TAF5L: variants seen among roughly 807,000 people sequenced by gnomAD.
TAF5L encodes TAF5-like RNA polymerase II p300/CBP-associated factor-associated factor 65 kDa subunit 5L.
In TAF5L, 7 loss-of-function variants were observed where a neutral mutation model predicts 51.3. The observed-to-expected ratio is 0.14, with a 90% CI of 0.08 to 0.26. The LOEUF (loss-of-function observed/expected upper bound fraction) is 0.26, where lower values mean the gene tolerates loss of function less well. Among genes scored for constraint, TAF5L ranks in the 10% least tolerant of loss-of-function variants. The probability of loss-of-function intolerance (pLI) is 1.00; values close to 1 mark genes in which losing one functional copy is unlikely to be tolerated. For synonymous variants in TAF5L, 291 were observed against 308.1 expected, an observed-to-expected ratio of 0.94 and a Z score of 0.58; for missense variants, 575 against 758.9, an observed-to-expected ratio of 0.76 and a Z score of 2.85.
At chr1:229,595,446 T>C (rs1371749676) in intron 4 of TAF5L, among the ~76,000 whole-genome samples, 3 of 152,236 alleles carry the variant, frequency 2.0e-5, no homozygotes, top group African/African-American at 7.2e-5. Context: ...TGTGTGCCAT[T>C]TGAAAATATT....
intron 1 of TAF5L, among the ~76,000 whole-genome samples, chr1:229,618,777 G>A (rs1665098106): frequency 6.6e-6 from 1 of 151,858 alleles, no homozygotes; most frequent in South Asian, 2.1e-4. Flanking sequence ...AGGCTCTAAT[G>A]TACACGGTCG....
intron 3 of TAF5L, chr1:229,606,146 G>A: frequency 2.0e-6 from 2 of 985,356 alleles, no homozygotes; most frequent in Non-Finnish European, 2.4e-6. Context: ...TCAGCTCATA[G>A]GTTCAAAATT....
rs545075714 is a variant in TAF5L, at chr1:229,606,567, T to C, written c.247+3539A>G. On this transcript the variant is annotated intron_variant, in intron 3 of 4. Transcript: ENST00000258281. ...TACCTTTCTTCAAGGTTTGGCTCTA[T>C]TGACTAGCACTCCTCTGTCCTTTAT... is the stretch of plus-strand genomic sequence containing the variant. 14 of 985,440 alleles carry C rather than the reference T, an allele frequency of 1.4e-5. No individual in the cohort carries two copies. In the East Asian group the frequency reaches 5.7e-4, roughly 40 times the overall value. 61.0% of individuals were successfully genotyped at this position (985,440 alleles called of 1,614,324 possible).
intron 2 of TAF5L, among the ~76,000 whole-genome samples, chr1:229,611,235 A>G (rs1394587107): frequency 6.6e-6 from 1 of 152,184 alleles, no homozygotes; most frequent in Non-Finnish European, 1.5e-5. Context: ...AATATTCAGT[A>G]TGTAAACACA....
At chr1:229,614,424 C>T in exon 2 of TAF5L, 1 of 1,614,200 alleles carries the variant, frequency 6.2e-7, no homozygotes, top group Non-Finnish European at 8.5e-7. Context: ...CACGTACTGC[C>T]GGCGTTTGAG....
intron 3 of TAF5L, chr1:229,606,506 TAAACA>T: frequency 1.0e-6 from 1 of 985,342 alleles, no homozygotes; most frequent in Non-Finnish European, 1.2e-6. Flanking sequence ...GATACTAAAT[TAAACA>T]AAACTAATCC....
At chr1:229,609,990 AT>A (rs1664730250) in intron 3 of TAF5L, 115 bp downstream of exon 3, 7 of 786,280 alleles carry the variant, frequency 8.9e-6, no homozygotes, top group Non-Finnish European at 1.4e-5. Context: ...CTATTTTTTA[AT>A]TTTTCTTTTT....
intron 4 of TAF5L, chr1:229,601,391 T>G: frequency 7.1e-6 from 7 of 985,440 alleles, no homozygotes; most frequent in Non-Finnish European, 8.4e-6. Flanking sequence ...CAAAAATACT[T>G]TGGCCCACAG....
chr1:229,625,047 T>G lies in TAF5L; in HGVS notation c.-4+838A>C, dbSNP rs1665384084. Among the ~76,000 whole-genome samples the G allele has an allele frequency of 6.6e-6, 1 of 152,218 alleles. No homozygotes were observed. On this transcript the variant is annotated intron_variant, in intron 1 of 4. Coordinates refer to ENST00000258281, the Ensembl canonical transcript of TAF5L. This position sits in a 1 kb window ranked among gnomAD's most constrained non-coding sequence, Gnocchi z 4.0. ...ATTTAAGACAGACACTGCATGGGAC[T>G]GGCACTTACCTTCTGATCCCAGAAC...
chr1:229,600,530 C>T (rs377604154), intron 4 of TAF5L: 1 of 985,472 alleles, frequency 1.0e-6, no homozygotes, highest in African/African-American at 1.7e-5. Context: ...AATTGAATAA[C>T]CGAGCTCTTC....
chr1:229,615,213 A>G (rs1276564715), intron 1 of TAF5L, among the ~76,000 whole-genome samples: 1 of 151,900 alleles, frequency 6.6e-6, no homozygotes, highest in Non-Finnish European at 1.5e-5. Flanking sequence ...TCAGCCTCCC[A>G]AGTAGCTGGG....
At chr1:229,593,989 T>G (rs1664017151) in exon 5 of TAF5L, 2 of 276,144 alleles carry the variant, frequency 7.2e-6, no homozygotes, top group African/African-American at 2.2e-5. Context: ...AGTCAGATGG[T>G]GAAAATGAGA....
At position 229,602,821 on chromosome 1, in the gene TAF5L, C is replaced by T; in HGVS notation, c.346G>A (p.Val116Met). 3 of 1,613,542 alleles carry T rather than the reference C, an allele frequency of 1.9e-6. No individual in the cohort carries two copies. Among genetic ancestry groups the T allele is most frequent in the Non-Finnish European group, 2.5e-6 (3 of 1,180,046 alleles). The change falls in exon 4 of 5, where the codon GTG becomes ATG. Residue 116 changes from valine (V) to methionine (M), a missense_variant. Around this residue, in one of 3 missense-constraint regions of TAF5L, gnomAD observed 380 missense variants for 443.7 expected, o/e 0.86. Transcript: ENST00000258281. This position sits in a 1 kb window ranked among gnomAD's most constrained non-coding sequence, Gnocchi z 4.6. ...TGGAAGCGGCTGTAAAAACTTTCCA[C>T]TGTGCTCTTCGGACTGTTTTGGACC...
rs758856244 is a variant in TAF5L, at chr1:229,594,339, A to G, written c.1728T>C (p.Leu576=). 3.7e-6 allele frequency: 6 copies of G among 1,611,122 alleles called. No homozygotes were observed. The highest frequency in any genetic ancestry group is 1.3e-5 in the African/African-American group (1 of 74,856). ...CTTGTGTAATTCCAGTCACCAGAAGAAGGTTACAGGCCATGAACTGCACGC... is the reference window on the plus strand; with the variant it reads ...CTTGTGTAATTCCAGTCACCAGAAGGAGGTTACAGGCCATGAACTGCACGC... The change falls in exon 5 of 5, where the codon CTT becomes CTC. Residue 576 remains leucine (L), a synonymous_variant. Transcript: ENST00000258281. This position sits in a 1 kb window ranked among gnomAD's most constrained non-coding sequence, Gnocchi z 7.9.
chr1:229,596,357 A>C (rs16849986), intron 4 of TAF5L, among the ~76,000 whole-genome samples: 20,580 of 152,188 alleles, frequency 0.14, 2,132 homozygotes, highest in East Asian at 0.42. Context: ...TGGATGTTTA[A>C]GAATTAACAC....
chr1:229,623,359 T>C (rs938966999), intron 1 of TAF5L, among the ~76,000 whole-genome samples: 1 of 152,232 alleles, frequency 6.6e-6, no homozygotes, highest in Non-Finnish European at 1.5e-5. Context: ...TACTGTGTCA[T>C]TTCCAGGTTG....
chr1:229,604,593 T>C (rs1664512957), intron 3 of TAF5L, among the ~76,000 whole-genome samples: 1 of 152,104 alleles, frequency 6.6e-6, no homozygotes, highest in Non-Finnish European at 1.5e-5. Flanking sequence ...CCTTAGGACA[T>C]CTCTGTACCC....
chr1:229,611,968 C>T (rs934566113), intron 2 of TAF5L, among the ~76,000 whole-genome samples: 1 of 152,198 alleles, frequency 6.6e-6, no homozygotes, highest in Non-Finnish European at 1.5e-5. Context: ...ATGATCTTTT[C>T]TGCTACCACT....
At chr1:229,609,830 T>C (rs1007410600) in intron 3 of TAF5L, among the ~76,000 whole-genome samples, 3 of 152,192 alleles carry the variant, frequency 2.0e-5, no homozygotes, top group African/African-American at 7.2e-5. Context: ...AGCTCTGCCC[T>C]TGTAAACTTA....
Sources: allele counts gnomAD v4.1 joint callset (sites outside exome capture counted in the v4.1 genomes callset), GRCh38; gene constraint gnomAD v4.1.1; regional missense constraint gnomAD v4.1.1; non-coding constraint Gnocchi (gnomAD v3.1); transcripts MANE v1.5; gene names NCBI Gene and HGNC (gene_info 2026-07-23, HGNC 2026-07-21).